The following NLGN1 variants were observed in gnomAD, a reference collection of about 807,000 sequenced individuals.
The protein encoded by NLGN1 is neuroligin 1.
In NLGN1, 12 loss-of-function variants were observed where a neutral mutation model predicts 65.5. The ratio of observed to expected loss-of-function variants is 0.18; its 90% CI spans 0.12 to 0.30. The LOEUF (loss-of-function observed/expected upper bound fraction) is 0.30, where lower values mean the gene tolerates loss of function less well. NLGN1 is among the 10% of genes least tolerant of loss of function. NLGN1 has a pLI of 1.00. For synonymous variants in NLGN1, 350 were observed against 359.5 expected, an observed-to-expected ratio of 0.97 and a Z score of 0.30; for missense variants, 750 against 1,007.1, an observed-to-expected ratio of 0.74 and a Z score of 3.46.
At chr3:174,051,117 A>G (rs900041601) in intron 4 of NLGN1, among the ~76,000 whole-genome samples, 4 of 152,098 alleles carry the variant, frequency 2.6e-5, no homozygotes, top group African/African-American at 4.8e-5. Context: ...TCCAGGTGCT[A>G]TTACATTAAG....
chr3:174,209,623 C>CTTTTTTTTTTTTTT (rs796169913), intron 4 of NLGN1, among the ~76,000 whole-genome samples: 3 of 82,090 alleles, frequency 3.7e-5, no homozygotes, highest in African/African-American at 1.5e-4. Context: ...ACCTTTCTTT[C>CTTTTTTTTTTTTTT]TTTTTTTTTT....
chr3:173,497,001 G>A (rs1730137339), intron 2 of NLGN1, among the ~76,000 whole-genome samples: 1 of 151,710 alleles, frequency 6.6e-6, no homozygotes, highest in African/African-American at 2.4e-5. Flanking sequence ...GTGGTGTGAG[G>A]GCACCTTTCT....
chr3:173,814,252 T>G (rs1276808695), intron 4 of NLGN1, among the ~76,000 whole-genome samples: 1 of 152,256 alleles, frequency 6.6e-6, no homozygotes, highest in East Asian at 1.9e-4. Context: ...ATTTGGTGAT[T>G]TCACTTATAA....
At chr3:174,250,811 AC>A (rs1425912920) in intron 4 of NLGN1, among the ~76,000 whole-genome samples, 1 of 152,054 alleles carries the variant, frequency 6.6e-6, no homozygotes, top group Non-Finnish European at 1.5e-5. Context: ...AATATTGATC[AC>A]CCTTTCTACC....
In NLGN1 at chr3:174,070,060, C is replaced by T. The variant is rs181980981; in HGVS notation, c.647-205255C>T. Reference sequence around the variant, plus strand: ...TAGCCAGTACATAAATATTAGCTGTCGCTGTTCTTATGGTGACGATGTTAT... The same window carrying T: ...TAGCCAGTACATAAATATTAGCTGTTGCTGTTCTTATGGTGACGATGTTAT... On this transcript the variant is annotated intron_variant, in intron 4 of 6. Coordinates refer to ENST00000457714, the Ensembl canonical transcript of NLGN1. Among the ~76,000 whole-genome samples, 16 of 152,226 alleles carry T rather than the reference C, an allele frequency of 1.1e-4. No individual in the cohort carries two copies. In the East Asian group the frequency reaches 1.5e-3, roughly 15 times the overall value.
intron 4 of NLGN1, among the ~76,000 whole-genome samples, chr3:174,108,087 C>G (rs1420455980): frequency 1.3e-5 from 2 of 151,922 alleles, no homozygotes; most frequent in Non-Finnish European, 2.9e-5. Flanking sequence ...CTTTCTATAG[C>G]TTGTCTTTTG....
At chr3:174,183,163 C>G (rs1054190154) in intron 4 of NLGN1, among the ~76,000 whole-genome samples, 1 of 152,058 alleles carries the variant, frequency 6.6e-6, no homozygotes, top group South Asian at 2.1e-4. Context: ...ACCTCCCGTC[C>G]CCATTGTCTA....
intron 1 of NLGN1, among the ~76,000 whole-genome samples, chr3:173,422,658 A>G (rs1715319277): frequency 6.6e-6 from 1 of 152,004 alleles, no homozygotes; most frequent in Non-Finnish European, 1.5e-5. Flanking sequence ...GATCATAGCC[A>G]TTTTAACTGG....
Position 174,027,065 on chromosome 3 carries a change from T to TA in NLGN1, c.646+219233_646+219234insA, listed in dbSNP as rs758185612. Among the ~76,000 whole-genome samples, 627 of 122,870 alleles carry TA rather than the reference T, an allele frequency of 5.1e-3. 2 individuals are homozygous for TA. Among genetic ancestry groups the TA allele is most frequent in the East Asian group, 0.016 (64 of 4,044 alleles). 80.6% of individuals were successfully genotyped at this position (122,870 alleles called of 152,430 possible). A position where few individuals can be genotyped will look rare whatever the true frequency, so the allele number is the denominator to read the frequency against. ...CTAAGTTTGGTCTAGTTCAATTTTT[T>TA]TAAAAAAAAAAAAAGAAAAAGAAAT... On this transcript the variant is annotated intron_variant, in intron 4 of 6. Coordinates refer to ENST00000457714, the Ensembl canonical transcript of NLGN1.
intron 2 of NLGN1, among the ~76,000 whole-genome samples, chr3:173,457,254 G>A (rs1487696037): frequency 1.3e-5 from 2 of 151,972 alleles, no homozygotes; most frequent in Non-Finnish European, 2.9e-5. Context: ...TGAGAAGTCA[G>A]GCCATTCCAG....
At chr3:173,697,279 A>C (rs1348514811) in intron 3 of NLGN1, among the ~76,000 whole-genome samples, 2 of 152,128 alleles carry the variant, frequency 1.3e-5, no homozygotes, top group Non-Finnish European at 2.9e-5. Context: ...AGCAGGACTC[A>C]AGTTTATTTA....
At chr3:173,758,021 C>G (rs1303750789) in intron 3 of NLGN1, among the ~76,000 whole-genome samples, 1 of 151,908 alleles carries the variant, frequency 6.6e-6, no homozygotes, top group Admixed American at 6.6e-5. Flanking sequence ...TATTCAGAGA[C>G]AGGACTTTTA....
intron 4 of NLGN1, among the ~76,000 whole-genome samples, chr3:173,812,183 G>GA (rs1405099158): frequency 2.6e-5 from 4 of 152,158 alleles, no homozygotes; most frequent in Non-Finnish European, 5.9e-5. Context: ...CCCGTCCATG[G>GA]AAAAAAATAA....
At chr3:174,052,797 G>A (rs1266416621) in intron 4 of NLGN1, among the ~76,000 whole-genome samples, 1 of 151,958 alleles carries the variant, frequency 6.6e-6, no homozygotes, top group Non-Finnish European at 1.5e-5. Context: ...CTGGAAATTA[G>A]ACAACAAAAT....
At chr3:173,515,203 C>T (rs1384283317) in intron 2 of NLGN1, among the ~76,000 whole-genome samples, 6 of 152,014 alleles carry the variant, frequency 3.9e-5, no homozygotes, top group African/African-American at 7.2e-5. Context: ...CTAACAGGTG[C>T]GACATGATAT....
intron 2 of NLGN1, among the ~76,000 whole-genome samples, chr3:173,530,601 T>A (rs991767552): frequency 1.3e-5 from 2 of 152,214 alleles, no homozygotes; most frequent in African/African-American, 4.8e-5. Context: ...CTTAATTTAG[T>A]ACTTTTTATT....
chr3:173,892,786 C>T (rs534566150), intron 4 of NLGN1, among the ~76,000 whole-genome samples: 20 of 152,094 alleles, frequency 1.3e-4, no homozygotes, highest in South Asian at 8.3e-4. Context: ...AGCAGGTAGA[C>T]GAGAAGAGGA....
At chr3:173,965,679 A>AT (rs980258295) in intron 4 of NLGN1, among the ~76,000 whole-genome samples, 1 of 151,980 alleles carries the variant, frequency 6.6e-6, no homozygotes, top group Non-Finnish European at 1.5e-5. Flanking sequence ...TTGGGAGAGA[A>AT]TTTTCTCGAC....
intron 4 of NLGN1, among the ~76,000 whole-genome samples, chr3:173,899,337 A>G (rs1007687416): frequency 6.6e-6 from 1 of 152,158 alleles, no homozygotes; most frequent in Non-Finnish European, 1.5e-5. Flanking sequence ...ACTGACTTGC[A>G]TTAGTCGACT....
Sources: gnomAD v4.1 joint callset for allele counts (sites outside exome capture counted in the v4.1 genomes callset) on GRCh38, gnomAD v4.1.1 for gene constraint, MANE v1.5 for transcripts, NCBI Gene and HGNC (gene_info 2026-07-23, HGNC 2026-07-21) for gene names.